KLC4: variants seen among roughly 807,000 people sequenced by gnomAD.
KLC4 encodes kinesin-like protein 8.
A neutral mutation model predicts 77.2 loss-of-function variants in KLC4; 49 were observed. The observed-to-expected ratio is 0.63, with a 90% CI of 0.50 to 0.80. The LOEUF (loss-of-function observed/expected upper bound fraction) is 0.80. KLC4 is among the 30% of genes least tolerant of loss of function. KLC4 has a pLI of 0.00. For missense variants in KLC4, 669 were observed against 793.5 expected (o/e 0.84, Z 1.89); for synonymous variants, 274 against 314.5 (o/e 0.87, Z 1.36).
At chr6:43,070,997 T>C (rs1362714250) in intron 8 of KLC4, 132 bp downstream of exon 8, 4 of 856,538 alleles carry the variant, frequency 4.7e-6, no homozygotes, top group Admixed American at 5.5e-5. Context: ...ACTGCTCTCA[T>C]CAACTTTGTG....
At chr6:43,065,413 G>T (rs1765369077) in intron 3 of KLC4, 1 of 513,216 alleles carries the variant, frequency 1.9e-6, no homozygotes, top group African/African-American at 1.9e-5. Flanking sequence ...GGGAAGTCTT[G>T]AGATTTTGTC....
chr6:43,066,320 G>A lies in KLC4; in HGVS notation c.586G>A (p.Gly196Ser). 1 of 1,614,068 alleles carries A rather than the reference G, an allele frequency of 6.2e-7. No individual in the cohort carries two copies. Among genetic ancestry groups the A allele is most frequent in the Non-Finnish European group, 8.5e-7 (1 of 1,179,958 alleles). ...TGATGGTTTAGTGTCCCGTGGTCAA[G>A]GTGCTACAGCAGCTCAGCAGGGTGG... is the stretch of plus-strand genomic sequence containing the variant. Reference protein sequence around the residue: ...DPSNGLSRGQGATAAQQGGYE... With the variant: ...DPSNGLSRGQSATAAQQGGYE... Residue 196 changes from glycine (G) to serine (S), a missense_variant, in exon 5 of 16, where the codon GGT (glycine) becomes AGT (serine). Coordinates refer to ENST00000347162, the MANE Select transcript of KLC4 (RefSeq NM_201521.3).
At chr6:43,069,307 C>T (rs1205515732) in intron 6 of KLC4, among the ~76,000 whole-genome samples, 1 of 152,104 alleles carries the variant, frequency 6.6e-6, no homozygotes, top group African/African-American at 2.4e-5. Flanking sequence ...TGCAGTGGTA[C>T]AATCTGGGTT....
intron 3 of KLC4, 22 bp from the exon 4 acceptor site, chr6:43,065,598 T>C (rs770133260): frequency 4.4e-6 from 7 of 1,578,900 alleles, no homozygotes; most frequent in African/African-American, 2.7e-5. Context: ...TTGGCCCTTA[T>C]ATGTTGCTTC....
At chr6:43,061,717 A>C in intron 2 of KLC4, 124 bp downstream of exon 2, 1 of 966,240 alleles carries the variant, frequency 1.0e-6, no homozygotes, top group Non-Finnish European at 1.5e-6. Context: ...TTAAATATGT[A>C]TTAAGTCCCT....
rs1273689846 is a variant in KLC4, at chr6:43,066,178, CAGGTCTAAT to C, written c.572-126_572-118del. The C allele has an allele frequency of 6.6e-6, 5 of 753,708 alleles. No individual in the cohort carries two copies. In the East Asian group the frequency reaches 9.9e-5, roughly 15 times the overall value. The allele number at this position is 753,708 out of a possible 1,614,324, so 46.7% of individuals were successfully genotyped here. On this transcript the variant is annotated intron_variant, in intron 4 of 15. Transcript: ENST00000347162. ...GTGGATAAAAGAATAGCACTTGAGG[CAGGTCTAAT>C]ATTGAGAGTCCAGGTTGGGGTGGGC...
At position 43,061,437 on chromosome 6, in the gene KLC4, G is replaced by A; in HGVS notation, c.102G>A (p.Glu34=). 6.2e-7 allele frequency: 1 copy of A among 1,614,196 alleles called. No homozygotes were observed. Among genetic ancestry groups the A allele is most frequent in the Non-Finnish European group, 8.5e-7 (1 of 1,180,044 alleles). ...GSTRLVSQGL[E]ALRSEHQAVL... is the part of the protein sequence containing the mutation. ...CACGGCTGGTCAGCCAAGGGCTAGA[G>A]GCCCTACGCAGTGAACACCAGGCCG... is the stretch of plus-strand genomic sequence containing the variant. The change falls in exon 2 of 16, where the codon GAG becomes GAA. Residue 34 remains glutamate, a synonymous_variant. Coordinates refer to ENST00000347162, the MANE Select transcript of KLC4 (RefSeq NM_201521.3).
Position 43,071,285 on chromosome 6 carries a change from A to G in KLC4, c.1166A>G (p.Tyr389Cys). Residue 389 changes from tyrosine (Y) to cysteine (C), a missense_variant, in exon 9 of 16, where the codon TAC (tyrosine) becomes TGC (cysteine). By Grantham distance (194) the Tyr-to-Cys change is radical. Transcript: ENST00000347162. ...ARTKNNLASC[Y>C]LKQGKYAEAE... The stretch of plus-strand genomic sequence containing the variant: ...CTTTCTGTCCTCCAGGCTTCCTGTT[A>G]CCTGAAACAGGGCAAATATGCTGAG... 6.2e-7 allele frequency: 1 copy of G among 1,611,260 alleles called. No homozygotes were observed. Among genetic ancestry groups the G allele is most frequent in the Non-Finnish European group, 8.5e-7 (1 of 1,178,342 alleles).
chr6:43,066,786 T>G (rs761494102), intron 5 of KLC4, among the ~76,000 whole-genome samples: 5 of 152,154 alleles, frequency 3.3e-5, no homozygotes, highest in Non-Finnish European at 7.3e-5. Flanking sequence ...CCCCCTTGCT[T>G]CTTATAACTT....
intron 10 of KLC4, 63 bp downstream of exon 10, chr6:43,071,682 C>T: frequency 6.5e-7 from 1 of 1,543,842 alleles, no homozygotes; most frequent in Non-Finnish European, 8.9e-7. Context: ...CTGTCTTACT[C>T]CTTGCATTAG....
intron 2 of KLC4, among the ~76,000 whole-genome samples, chr6:43,062,336 C>G (rs1204973774): frequency 6.6e-6 from 1 of 152,220 alleles, no homozygotes; most frequent in Non-Finnish European, 1.5e-5. Context: ...CCTCTGCCTG[C>G]CAGGTTCAAG....
chr6:43,066,614 T>A, intron 5 of KLC4, 89 bp downstream of exon 5: 1 of 1,164,568 alleles, frequency 8.6e-7, no homozygotes, highest in Non-Finnish European at 1.2e-6. Flanking sequence ...CTTTACAGGG[T>A]ACCTCTCCTC....
intron 6 of KLC4, among the ~76,000 whole-genome samples, chr6:43,068,111 C>CAAAAAAAAAAAA: frequency 7.9e-5 from 2 of 25,230 alleles, no homozygotes; most frequent in Non-Finnish European, 1.4e-4. Context: ...GACTCCGTCT[C>CAAAAAAAAAAAA]AAAAAAAAAA....
At chr6:43,067,613 T>C (rs1016740516) in intron 6 of KLC4, among the ~76,000 whole-genome samples, 2 of 150,256 alleles carry the variant, frequency 1.3e-5, no homozygotes, top group Non-Finnish European at 3.0e-5. Context: ...GCTAACATGG[T>C]GAAACCCCAT....
intron 6 of KLC4, among the ~76,000 whole-genome samples, chr6:43,067,794 C>CAA (rs1194376962): frequency 5.2e-4 from 23 of 44,628 alleles, no homozygotes; most frequent in Middle Eastern, 0.017. Flanking sequence ...GACTCCGTCT[C>CAA]AAAAAAAAAA....
intron 1 of KLC4, 156 bp downstream of exon 1, chr6:43,059,841 G>A (rs1481117176): frequency 1.7e-6 from 2 of 1,163,768 alleles, no homozygotes; most frequent in East Asian, 5.1e-5. Flanking sequence ...GCCCCTCGGC[G>A]TCCAGACAGA....
intron 6 of KLC4, among the ~76,000 whole-genome samples, chr6:43,068,828 C>T (rs1765588194): frequency 1.3e-5 from 2 of 151,658 alleles, no homozygotes; most frequent in South Asian, 4.2e-4. Context: ...TAAGAAGCGG[C>T]CCAGCGCTGT....
chr6:43,071,416 A>G (rs373440481), intron 9 of KLC4, 42 bp downstream of exon 9: 11 of 1,569,478 alleles, frequency 7.0e-6, no homozygotes, highest in Non-Finnish European at 9.6e-6. Flanking sequence ...GGGGAAGAAA[A>G]GAAATTCAGA....
At chr6:43,070,926 A>AGGGGGGGCAGGGGGGGGGGGGGG in intron 8 of KLC4, 61 bp downstream of exon 8, 1 of 103,834 alleles carries the variant, frequency 9.6e-6, no homozygotes, top group Non-Finnish European at 1.7e-5. Context: ...AGGTGGGGGG[A>AGGGGGGGCAGGGGGGGGGGGGGG]GGGGGGGCAG....
Sources: allele counts gnomAD v4.1 joint callset (sites outside exome capture counted in the v4.1 genomes callset), GRCh38; gene constraint gnomAD v4.1.1; transcripts MANE v1.5; gene names NCBI Gene and HGNC (gene_info 2026-07-23, HGNC 2026-07-21).